The following DNAH14 variants were observed in gnomAD, a reference collection of about 807,000 sequenced individuals.
The protein encoded by DNAH14 is axonemal beta dynein heavy chain 14.
A neutral mutation model predicts 520.9 loss-of-function variants in DNAH14; 478 were observed. That is an observed-to-expected ratio of 0.92 (90% CI 0.85 to 0.99). DNAH14 has a LOEUF of 0.99. Among genes scored for constraint, DNAH14 ranks in the 50% least tolerant of loss-of-function variants. The pLI, the probability that DNAH14 is intolerant of heterozygous loss-of-function variation, is 0.00. For missense variants in DNAH14, 4,831 were observed against 5,234.5 expected (o/e 0.92, Z 2.38); for synonymous variants, 1,581 against 1,757.2 (o/e 0.90, Z 2.51).
rs539599359 is a variant in DNAH14 at position 225,088,463 on chromosome 1, G to A, written c.3573+2674G>A. 1.9e-4 allele frequency among the ~76,000 whole-genome samples: 29 copies of A among 152,216 alleles called. 1 individual carries two copies. Among genetic ancestry groups the A allele is most frequent in the Admixed American group, 1.5e-3 (23 of 15,290 alleles). The stretch of plus-strand genomic sequence containing the variant: ...AACTTAAAAATATAACATTGGAAAT[G>A]ATTCCATATGAAACATAGGTAGAAA... On this transcript the variant is annotated intron_variant, in intron 21 of 85. Coordinates refer to ENST00000682510, the MANE Select transcript of DNAH14 (RefSeq NM_001367479.1).
chr1:225,032,605 G>GA (rs1008946049), intron 11 of DNAH14, among the ~76,000 whole-genome samples: 2 of 152,064 alleles, frequency 1.3e-5, no homozygotes, highest in Non-Finnish European at 2.9e-5. Flanking sequence ...TCAATAACGG[G>GA]ACTGCTGGGT....
At chr1:225,294,279 C>A (rs976168438) in intron 55 of DNAH14, among the ~76,000 whole-genome samples, 1 of 152,226 alleles carries the variant, frequency 6.6e-6, no homozygotes, top group African/African-American at 2.4e-5. Context: ...GCATTCCTGA[C>A]ATAAATACCA....
intron 1 of DNAH14, among the ~76,000 whole-genome samples, chr1:224,950,026 T>C (rs1255418487): frequency 6.6e-6 from 1 of 152,154 alleles, no homozygotes; most frequent in African/African-American, 2.4e-5. Context: ...ATCAGAAAGA[T>C]GAGGAAAGCA....
At chr1:225,335,961 A>G (rs1336275004) in intron 66 of DNAH14, among the ~76,000 whole-genome samples, 3 of 145,954 alleles carry the variant, frequency 2.1e-5, no homozygotes, top group Non-Finnish European at 4.5e-5. Flanking sequence ...ATATACACAT[A>G]TACATATATG....
chr1:225,288,563 G>A (rs1454341595), intron 54 of DNAH14, among the ~76,000 whole-genome samples: 1 of 152,130 alleles, frequency 6.6e-6, no homozygotes, highest in Non-Finnish European at 1.5e-5. Context: ...GAAATTGGAT[G>A]TGGATATATG....
chr1:225,090,474 C>G (rs1031195379), intron 21 of DNAH14, among the ~76,000 whole-genome samples: 2 of 152,066 alleles, frequency 1.3e-5, no homozygotes, highest in Non-Finnish European at 2.9e-5. Context: ...TTAAAACTAC[C>G]TATTCAGAGG....
At chr1:225,186,017 C>T (rs2084681199) in intron 37 of DNAH14, among the ~76,000 whole-genome samples, 1 of 107,186 alleles carries the variant, frequency 9.3e-6, no homozygotes, top group Non-Finnish European at 1.8e-5. Context: ...AATCTTTTAA[C>T]TGATTAATGT....
intron 32 of DNAH14, among the ~76,000 whole-genome samples, chr1:225,152,286 C>T (rs1337690531): frequency 1.3e-5 from 2 of 152,102 alleles, no homozygotes; most frequent in Non-Finnish European, 2.9e-5. Flanking sequence ...AAGCTACTGA[C>T]ATATTTTTAC....
At chr1:225,107,513 G>A (rs978932026) in intron 23 of DNAH14, among the ~76,000 whole-genome samples, 6 of 152,146 alleles carry the variant, frequency 3.9e-5, no homozygotes, top group East Asian at 1.9e-4. Context: ...TAGACAAAAC[G>A]ACATGGACAT....
At position 225,080,435 on chromosome 1, in the gene DNAH14, G is replaced by T. The variant is rs1031181620; in HGVS notation, c.2823G>T (p.Met941Ile). ...AGTQVSTAMEMIQTLSGEAAS... is the reference protein window; with the variant it reads ...AGTQVSTAMEIIQTLSGEAAS... Reference sequence around the variant, plus strand: ...CTCAAGTGTCAACAGCAATGGAAATGATCCAGACTCTCTCAGGGGAAGCTG... The same window carrying T: ...CTCAAGTGTCAACAGCAATGGAAATTATCCAGACTCTCTCAGGGGAAGCTG... The change falls in exon 19 of 86, where the codon ATG becomes ATT. Residue 941 changes from methionine to isoleucine, a missense_variant. Coordinates refer to ENST00000682510, the MANE Select transcript of DNAH14 (RefSeq NM_001367479.1). The T allele has an allele frequency of 1.9e-6, 3 of 1,551,150 alleles. No individual in the cohort carries two copies. In the African/African-American group the frequency reaches 4.1e-5, roughly 21 times the overall value.
chr1:225,298,031 T>C (rs2094050483), intron 55 of DNAH14, among the ~76,000 whole-genome samples: 2 of 152,034 alleles, frequency 1.3e-5, no homozygotes, highest in African/African-American at 4.8e-5. Flanking sequence ...TGTGCCCACC[T>C]CCCACCACCA....
intron 17 of DNAH14, among the ~76,000 whole-genome samples, chr1:225,053,254 C>T (rs1358469961): frequency 1.3e-5 from 2 of 151,584 alleles, no homozygotes; most frequent in Non-Finnish European, 1.5e-5. Flanking sequence ...ACTGACATCA[C>T]GAAATGGGGA....
In DNAH14 at chr1:225,100,840, C is replaced by A. The variant is rs1051965673; in HGVS notation, c.3823C>A (p.Gln1275Lys). ...TTSAGVLEIL[Q>K]NCNIHLEHIK... ...TTCTGCAGGAGTCCTTGAAATTCTG[C>A]AAAATTGTAATATACATCTTGAACA... The change falls in exon 23 of 86, where the codon CAA becomes AAA. Residue 1275 changes from glutamine (Q) to lysine (K), a missense_variant. Coordinates refer to ENST00000682510, the MANE Select transcript of DNAH14 (RefSeq NM_001367479.1). 2.0e-6 allele frequency: 3 copies of A among 1,529,788 alleles called. No individual in the cohort carries two copies. The highest frequency in any genetic ancestry group is 1.7e-4 in the Middle Eastern group (1 of 5,776). 94.8% of individuals were successfully genotyped at this position (1,529,788 alleles called of 1,614,324 possible).
Position 225,324,818 on chromosome 1 carries a change from A to C in DNAH14, c.9709A>C (p.Arg3237=), listed in dbSNP as rs1574779045. 1 of 1,551,272 alleles carries C rather than the reference A, an allele frequency of 6.4e-7. No individual in the cohort carries two copies. Among genetic ancestry groups the C allele is most frequent in the Admixed American group, 2.0e-5 (1 of 50,980 alleles). ...GCGACAAAGACTTGCTGAGAAACAA[A>C]GAGGTTTACAGCTGGTAAGAAATAC... ...IARQRLAEKQ[R]GLQLVEEHLL... Residue 3237 remains arginine (R), a synonymous_variant, in exon 64 of 86, where the codon AGA becomes CGA. Coordinates refer to ENST00000682510, the MANE Select transcript of DNAH14 (RefSeq NM_001367479.1).
At chr1:225,104,101 G>C (rs568029610) in intron 23 of DNAH14, among the ~76,000 whole-genome samples, 13 of 152,080 alleles carry the variant, frequency 8.5e-5, no homozygotes, top group Non-Finnish European at 8.8e-5. Flanking sequence ...TGCATGAAGC[G>C]TTGTTGAATT....
intron 1 of DNAH14, among the ~76,000 whole-genome samples, chr1:224,931,694 G>A (rs2058709433): frequency 6.6e-6 from 1 of 152,074 alleles, no homozygotes; most frequent in Admixed American, 6.6e-5. Flanking sequence ...ACATATAAGT[G>A]AGAACATGAT....
intron 55 of DNAH14, among the ~76,000 whole-genome samples, chr1:225,297,747 T>C (rs2094042030): frequency 6.6e-6 from 1 of 152,230 alleles, no homozygotes; most frequent in Non-Finnish European, 1.5e-5. Flanking sequence ...CAAGGGCATG[T>C]GCATGCATGC....
At chr1:225,367,025 AC>A (rs1398545939) in intron 76 of DNAH14, among the ~76,000 whole-genome samples, 1 of 151,504 alleles carries the variant, frequency 6.6e-6, no homozygotes, top group African/African-American at 2.4e-5. Context: ...ACACACACAC[AC>A]ACACACACAC....
rs993831848 is a variant in DNAH14, at chr1:225,360,776, G to A, written c.11872G>A (p.Ala3958Thr). The A allele has an allele frequency of 6.4e-7, 1 of 1,551,576 alleles. No homozygotes were observed. Among genetic ancestry groups the A allele is most frequent in the African/African-American group, 1.4e-5 (1 of 73,042 alleles). ...TIISLGRDQA[A>T]KAEDLILKAL... ...AATTTCTCTGGGCCGTGACCAAGCAGCTAAAGCTGAAGACCTCATTTTAAA... is the reference window on the plus strand; with the variant it reads ...AATTTCTCTGGGCCGTGACCAAGCAACTAAAGCTGAAGACCTCATTTTAAA... Residue 3958 changes from alanine to threonine, a missense_variant, in exon 75 of 86, where the codon GCT becomes ACT. Coordinates refer to ENST00000682510, the MANE Select transcript of DNAH14 (RefSeq NM_001367479.1).
Sources: allele counts gnomAD v4.1 joint callset (sites outside exome capture counted in the v4.1 genomes callset), GRCh38; gene constraint gnomAD v4.1.1; transcripts MANE v1.5; gene names NCBI Gene and HGNC (gene_info 2026-07-23, HGNC 2026-07-21).